PSTPIP2: variants seen among roughly 807,000 people sequenced by gnomAD.
PSTPIP2 encodes the protein proline-serine-threonine phosphatase interacting protein 2.
Under a neutral mutation model 63.3 loss-of-function variants are expected in PSTPIP2, and 33 were observed. The observed-to-expected ratio is 0.52, with a 90% CI of 0.40 to 0.70. The LOEUF (loss-of-function observed/expected upper bound fraction) is 0.70. Among genes scored for constraint, PSTPIP2 ranks in the 30% least tolerant of loss-of-function variants. The probability of loss-of-function intolerance (pLI) is 0.00; values close to 1 mark genes in which losing one functional copy is unlikely to be tolerated. For synonymous variants in PSTPIP2, 125 were observed against 132.7 expected, an observed-to-expected ratio of 0.94 and a Z score of 0.40; for missense variants, 312 against 400.7, an observed-to-expected ratio of 0.78 and a Z score of 1.89.
rs756139486 is a variant in PSTPIP2, at chr18:45,992,095, G to T, written c.838+11C>A. 6.2e-7 allele frequency: 1 copy of T among 1,603,038 alleles called. No homozygotes were observed. On this transcript the variant is annotated intron_variant, in intron 11 of 14. Coordinates refer to ENST00000409746, the MANE Select transcript of PSTPIP2 (RefSeq NM_024430.4). ...TGTAAATAACACTCCCCACCCCACT[G>T]CCCCATTCACCTGGTGGAATCTGTC...
At chr18:45,985,526 T>C in intron 14 of PSTPIP2, 76 bp from the exon 15 acceptor site, 2 of 1,486,888 alleles carry the variant, frequency 1.3e-6, no homozygotes, top group Non-Finnish European at 1.9e-6. Flanking sequence ...TGAGAGTATA[T>C]TCAACAAGAA....
chr18:46,023,004 C>G (rs192935878), intron 3 of PSTPIP2, among the ~76,000 whole-genome samples: 52 of 152,168 alleles, frequency 3.4e-4, no homozygotes, highest in African/African-American at 1.2e-3. Context: ...CCTTAGCAAA[C>G]TAAAACAGAA....
At position 46,011,177 on chromosome 18, in the gene PSTPIP2, C is replaced by T. The variant is rs758328116; in HGVS notation, c.354+4G>A. 27 of 1,610,634 alleles carry T rather than the reference C, an allele frequency of 1.7e-5. No homozygotes were observed. Among genetic ancestry groups the T allele is most frequent in the Non-Finnish European group, 2.0e-5 (23 of 1,177,086 alleles). On this transcript the variant is annotated splice_donor_region_variant and intron_variant, in intron 5 of 14. Coordinates refer to ENST00000409746, the MANE Select transcript of PSTPIP2 (RefSeq NM_024430.4). ...AAACACCTTAACACGTATGCAAATCCAACCTTTTTTCGTTGTAGTTTTTGC... is the reference window on the plus strand; with the variant it reads ...AAACACCTTAACACGTATGCAAATCTAACCTTTTTTCGTTGTAGTTTTTGC...
Position 45,992,946 on chromosome 18 carries a change from G to C in PSTPIP2, c.741+659C>G, listed in dbSNP as rs372637341. Among the ~76,000 whole-genome samples the C allele has an allele frequency of 1.3e-4, 20 of 151,364 alleles. No individual in the cohort carries two copies. In the East Asian group the frequency reaches 3.4e-3, roughly 25 times the overall value. Reference sequence around the variant, plus strand: ...TCACCATGTTGGCCAGACTGGTCTCGAACTCCTGACCACAGGCAATCCGCC... The same window carrying C: ...TCACCATGTTGGCCAGACTGGTCTCCAACTCCTGACCACAGGCAATCCGCC... On this transcript the variant is annotated intron_variant, in intron 10 of 14. Coordinates refer to ENST00000409746, the MANE Select transcript of PSTPIP2 (RefSeq NM_024430.4).
At chr18:46,051,361 G>A (rs1390055830) in intron 1 of PSTPIP2, among the ~76,000 whole-genome samples, 1 of 152,100 alleles carries the variant, frequency 6.6e-6, no homozygotes, top group Admixed American at 6.5e-5. Flanking sequence ...TGTAATCCCA[G>A]CTACATGGGA....
rs540481427 is a variant in PSTPIP2, at chr18:46,022,805, A to G, written c.212+1804T>C. On this transcript the variant is annotated intron_variant, in intron 3 of 14. Coordinates refer to ENST00000409746, the MANE Select transcript of PSTPIP2 (RefSeq NM_024430.4). ...ACTGAAAAATTAAAAATTATGGTAC[A>G]GAAATCTCACATGGGTTGTGACAAT... is the stretch of plus-strand genomic sequence containing the variant. 2.6e-5 allele frequency among the ~76,000 whole-genome samples: 4 copies of G among 152,346 alleles called. No individual in the cohort carries two copies. The East Asian group carries it at 7.7e-4, about 29-fold the overall frequency.
At chr18:46,020,351 C>T (rs1408881012) in intron 3 of PSTPIP2, among the ~76,000 whole-genome samples, 1 of 152,088 alleles carries the variant, frequency 6.6e-6, no homozygotes, top group African/African-American at 2.4e-5. Flanking sequence ...CCTAGCTAGT[C>T]CCTGGATAAG....
intron 3 of PSTPIP2, among the ~76,000 whole-genome samples, chr18:46,017,006 T>C (rs1050064894): frequency 5.3e-5 from 8 of 152,236 alleles, no homozygotes; most frequent in South Asian, 2.1e-4. Flanking sequence ...TGCTCACTAT[T>C]CCGTCTTGCA....
intron 1 of PSTPIP2, among the ~76,000 whole-genome samples, chr18:46,059,023 TTTTTCTTTTTTTC>T (rs1406360526): frequency 8.0e-6 from 1 of 125,436 alleles, no homozygotes; most frequent in Non-Finnish European, 1.7e-5. Flanking sequence ...TAATTCTTTT[TTTTTCTTTTTTTC>T]TTTTTCTTTT....
At chr18:46,018,902 T>C (rs1007553354) in intron 3 of PSTPIP2, among the ~76,000 whole-genome samples, 1 of 152,172 alleles carries the variant, frequency 6.6e-6, no homozygotes, top group African/African-American at 2.4e-5. Flanking sequence ...GCATTTTAAG[T>C]GTTTTACAAT....
chr18:46,019,580 C>T (rs1013862597), intron 3 of PSTPIP2, among the ~76,000 whole-genome samples: 3 of 152,144 alleles, frequency 2.0e-5, no homozygotes, highest in African/African-American at 7.2e-5. Flanking sequence ...GCGGGAGGAT[C>T]ATTTGAGGTC....
At chr18:46,005,666 A>C (rs182064306) in intron 5 of PSTPIP2, 135 bp from the exon 6 acceptor site, 1 of 717,798 alleles carries the variant, frequency 1.4e-6, no homozygotes, top group East Asian at 2.8e-5. Context: ...TCTTCAGAGA[A>C]AAGAGACCAA....
At chr18:46,071,403 G>T (rs957419800) in intron 1 of PSTPIP2, among the ~76,000 whole-genome samples, 1 of 152,210 alleles carries the variant, frequency 6.6e-6, no homozygotes, top group Non-Finnish European at 1.5e-5. Flanking sequence ...AGAGGGAAGA[G>T]GACTAGACAG....
chr18:46,051,695 G>C (rs1908587919), intron 1 of PSTPIP2, among the ~76,000 whole-genome samples: 1 of 152,102 alleles, frequency 6.6e-6, no homozygotes, highest in South Asian at 2.1e-4. Context: ...AACCCCCAGG[G>C]ACATGAGAAA....
At chr18:46,010,714 G>A (rs563230028) in intron 5 of PSTPIP2, 10 of 155,082 alleles carry the variant, frequency 6.4e-5, no homozygotes, top group Non-Finnish European at 1.4e-4. Context: ...AAGAGTACTC[G>A]GAGTTCCCAG....
At chr18:46,013,188 T>C (rs1457067043) in intron 4 of PSTPIP2, among the ~76,000 whole-genome samples, 2 of 152,170 alleles carry the variant, frequency 1.3e-5, no homozygotes, top group African/African-American at 4.8e-5. Flanking sequence ...AGGTTTGACT[T>C]TGGGCCATGC....
At chr18:46,066,348 A>G (rs1909189464) in intron 1 of PSTPIP2, among the ~76,000 whole-genome samples, 1 of 152,154 alleles carries the variant, frequency 6.6e-6, no homozygotes. Context: ...ATTTAATTAA[A>G]TTAAAACTAC....
chr18:46,022,276 T>C (rs1448782789), intron 3 of PSTPIP2, among the ~76,000 whole-genome samples: 2 of 78,910 alleles, frequency 2.5e-5, no homozygotes, highest in Non-Finnish European at 7.8e-5. Context: ...GATGAGTGTG[T>C]GTGTATGTGT....
At chr18:46,070,637 C>T (rs1909360718) in intron 1 of PSTPIP2, among the ~76,000 whole-genome samples, 1 of 152,182 alleles carries the variant, frequency 6.6e-6, no homozygotes, top group African/African-American at 2.4e-5. Context: ...CCTCAGCCTC[C>T]CAAGTAACTA....
Sources: gnomAD v4.1 joint callset for allele counts (sites outside exome capture counted in the v4.1 genomes callset) on GRCh38, gnomAD v4.1.1 for gene constraint, MANE v1.5 for transcripts, NCBI Gene and HGNC (gene_info 2026-07-23, HGNC 2026-07-21) for gene names.